The following EREG variants were observed in gnomAD, a reference collection of about 807,000 sequenced individuals.
EREG encodes proepiregulin.
In EREG, 23 loss-of-function variants were observed where a neutral mutation model predicts 22.4. The ratio of observed to expected loss-of-function variants is 1.03; its 90% CI spans 0.74 to 1.46. The LOEUF (loss-of-function observed/expected upper bound fraction) is 1.46, where lower values mean the gene tolerates loss of function less well. Ranked by LOEUF, EREG falls within the 40% of genes most tolerant of loss-of-function variation. EREG has a pLI of 0.00. For missense variants in EREG, 226 were observed against 205.9 expected, an observed-to-expected ratio of 1.10 and a Z score of -0.60; for synonymous variants, 100 against 75.4, an observed-to-expected ratio of 1.33 and a Z score of -1.69.
intron 1 of EREG, among the ~76,000 whole-genome samples, chr4:74,374,269 A>G (rs918463712): frequency 6.6e-6 from 1 of 152,166 alleles, no homozygotes; most frequent in African/African-American, 2.4e-5. Flanking sequence ...TAGTCATTTT[A>G]CCCTAAGATT....
chr4:74,370,556 A>C (rs1256719499), intron 1 of EREG, among the ~76,000 whole-genome samples: 1 of 152,038 alleles, frequency 6.6e-6, no homozygotes, highest in Non-Finnish European at 1.5e-5. Flanking sequence ...TCTCTCTTTC[A>C]CATTTTTATC....
intron 1 of EREG, among the ~76,000 whole-genome samples, chr4:74,374,131 A>G (rs1177418702): frequency 6.6e-6 from 1 of 152,252 alleles, no homozygotes; most frequent in Non-Finnish European, 1.5e-5. Context: ...ATGATTCTGC[A>G]CAAGTTTGCT....
Position 74,384,903 on chromosome 4 carries a change from T to C in EREG, c.*95T>C. The C allele has an allele frequency of 1.4e-6, 1 of 709,904 alleles. No homozygotes were observed. The highest frequency in any genetic ancestry group is 2.4e-6 in the Non-Finnish European group (1 of 412,960). 44.0% of individuals were successfully genotyped at this position (709,904 alleles called of 1,614,324 possible). On this transcript the variant is annotated 3_prime_UTR_variant, in exon 5 of 5. Coordinates refer to ENST00000244869, the MANE Select transcript of EREG (RefSeq NM_001432.3). ...ATAATATTTATGTTGGGTCAAGTGT[T>C]AGGTCAATAACACTGTATTTTAATG...
chr4:74,367,525 T>G (rs1752206980), intron 1 of EREG, among the ~76,000 whole-genome samples: 1 of 152,242 alleles, frequency 6.6e-6, no homozygotes, highest in African/African-American at 2.4e-5. Context: ...AACATTTTTA[T>G]TCATGCCTAC....
chr4:74,374,099 G>C (rs902577327), intron 1 of EREG, among the ~76,000 whole-genome samples: 3 of 152,188 alleles, frequency 2.0e-5, no homozygotes, highest in African/African-American at 7.2e-5. Context: ...ATTTTGCTAT[G>C]TGTTTGGGCT....
Position 74,385,098 on chromosome 4 carries a change from C to A in EREG, c.*290C>A. The A allele has an allele frequency of 4.1e-6, 1 of 246,744 alleles. No homozygotes were observed. Among genetic ancestry groups the A allele is most frequent in the African/African-American group, 2.2e-5 (1 of 44,794 alleles). The allele number at this position is 246,744 out of a possible 1,614,324, so 15.3% of individuals were successfully genotyped here. A position where few individuals can be genotyped will look rare whatever the true frequency, so the allele number is the denominator to read the frequency against. ...AAGTTTATATGCCTGGTGCACAGTG[C>A]TTAGAAGTAAGCAATTCCCAGGTCA... On this transcript the variant is annotated 3_prime_UTR_variant, in exon 5 of 5. Transcript: ENST00000244869.
chr4:74,382,174 G>A (rs1216131059), intron 3 of EREG, among the ~76,000 whole-genome samples: 1 of 151,660 alleles, frequency 6.6e-6, no homozygotes, highest in Non-Finnish European at 1.5e-5. Context: ...GCGTGGTGGC[G>A]CAAGACTGTA....
At chr4:74,370,460 A>G (rs981594974) in intron 1 of EREG, among the ~76,000 whole-genome samples, 2 of 152,236 alleles carry the variant, frequency 1.3e-5, no homozygotes, top group African/African-American at 4.8e-5. Context: ...AGATATTTTG[A>G]GAAGCAAAAT....
intron 2 of EREG, among the ~76,000 whole-genome samples, chr4:74,380,019 C>A (rs539449773): frequency 6.6e-6 from 1 of 152,206 alleles, no homozygotes. Flanking sequence ...ATGCACCAAA[C>A]GCTGTGCTAA....
chr4:74,380,527 A>G (rs1041231418), intron 2 of EREG, among the ~76,000 whole-genome samples: 12 of 152,218 alleles, frequency 7.9e-5, no homozygotes, highest in African/African-American at 2.9e-4. Flanking sequence ...TAACCTCAGC[A>G]ACTTGAAAAC....
At chr4:74,383,268 T>A (rs1465295973) in intron 4 of EREG, among the ~76,000 whole-genome samples, 1 of 152,170 alleles carries the variant, frequency 6.6e-6, no homozygotes, top group South Asian at 2.1e-4. Flanking sequence ...AAGTAAATCA[T>A]AGGATAGGTG....
At chr4:74,384,578 T>C in intron 4 of EREG, 149 bp from the exon 5 acceptor site, 1 of 466,994 alleles carries the variant, frequency 2.1e-6, no homozygotes, top group Non-Finnish European at 3.9e-6. Flanking sequence ...CTCTTTTTTT[T>C]TTTTTTTTTA....
rs563935842 is a variant in EREG at position 74,365,253 on chromosome 4, C to G, written c.-56C>G. 1.0e-5 allele frequency: 15 copies of G among 1,432,630 alleles called. No homozygotes were observed. The highest frequency in any genetic ancestry group is 9.2e-5 in the East Asian group (4 of 43,444). The allele number at this position is 1,432,630 out of a possible 1,614,324, so 88.7% of individuals were successfully genotyped here. ...GCGAGCCCGTCTGCTCCCGCCCTGC[C>G]CGTGCACTCTCCGCAGCCGCCCTCC... On this transcript the variant is annotated 5_prime_UTR_variant, in exon 1 of 5. Transcript: ENST00000244869.
chr4:74,368,696 C>G (rs572658783), intron 1 of EREG, among the ~76,000 whole-genome samples: 1 of 152,312 alleles, frequency 6.6e-6, no homozygotes, highest in South Asian at 2.1e-4. Flanking sequence ...AAATCCTCTT[C>G]AAAGAGAATG....
intron 3 of EREG, 147 bp downstream of exon 3, chr4:74,381,284 A>G: frequency 1.6e-6 from 1 of 638,082 alleles, no homozygotes; most frequent in Non-Finnish European, 2.6e-6. Flanking sequence ...TGTGCATGGA[A>G]CCCATTAGGT....
intron 1 of EREG, among the ~76,000 whole-genome samples, chr4:74,375,456 C>A (rs984003480): frequency 6.0e-5 from 9 of 150,418 alleles, no homozygotes; most frequent in Admixed American, 6.0e-4. Flanking sequence ...GTAGCTGGGA[C>A]TACAGGCGCC....
chr4:74,382,664 G>A lies in EREG; in HGVS notation c.298G>A (p.Gly100Ser), dbSNP rs945671398. 2.5e-6 allele frequency: 4 copies of A among 1,608,840 alleles called. No individual in the cohort carries two copies. In the African/African-American group the frequency reaches 5.4e-5, roughly 22 times the overall value. ...CTTCAGGTGTGAAGTGGGTTATACT[G>A]GTGTCCGATGTGAACACTTCTTTTT... The part of the protein sequence containing the change: ...NYCRCEVGYT[G>S]VRCEHFFLTV... Residue 100 changes from glycine to serine, a missense_variant, in exon 4 of 5, where the codon GGT (glycine) becomes AGT (serine). Coordinates refer to ENST00000244869, the MANE Select transcript of EREG (RefSeq NM_001432.3).
Position 74,365,345 on chromosome 4 carries a change from G to A in EREG, c.37G>A (p.Gly13Ser). The A allele has an allele frequency of 1.9e-6, 3 of 1,609,918 alleles. No individual in the cohort carries two copies. Among genetic ancestry groups the A allele is most frequent in the East Asian group, 2.2e-5 (1 of 44,862 alleles). Residue 13 changes from glycine (G) to serine (S), a missense_variant, in exon 1 of 5, where the codon GGC (glycine) becomes AGC (serine). By Grantham distance (56) the Gly-to-Ser change is moderately conservative. Transcript: ENST00000244869. ...AGRRMEMLCA[G>S]RVPALLLCLG... ...GAGGAGGATGGAGATGCTCTGTGCC[G>A]GCAGGGTCCCTGCGCTGCTGCTCTG...
At chr4:74,366,524 A>C (rs1394231278) in intron 1 of EREG, among the ~76,000 whole-genome samples, 1 of 152,240 alleles carries the variant, frequency 6.6e-6, no homozygotes, top group African/African-American at 2.4e-5. Context: ...TTCTCAGTAA[A>C]CAATGTGGCT....
Sources: gnomAD v4.1 joint callset for allele counts (sites outside exome capture counted in the v4.1 genomes callset) on GRCh38, gnomAD v4.1.1 for gene constraint, MANE v1.5 for transcripts, NCBI Gene and HGNC (gene_info 2026-07-23, HGNC 2026-07-21) for gene names.